Variants in FGF12 observed in about 807,000 individuals in gnomAD.
FGF12 encodes the protein fibroblast growth factor 12.
A neutral mutation model predicts 23.6 loss-of-function variants in FGF12; 14 were observed. The ratio of observed to expected loss-of-function variants is 0.59; its 90% CI spans 0.39 to 0.93. FGF12 has a LOEUF of 0.93. Ranked by LOEUF, FGF12 falls within the 40% of genes least tolerant of loss-of-function variation. The probability of loss-of-function intolerance (pLI) is 0.00; values close to 1 mark genes in which losing one functional copy is unlikely to be tolerated. For missense variants in FGF12, 175 were observed against 217.8 expected (o/e 0.80, Z 1.24); for synonymous variants, 62 against 77.3 (o/e 0.80, Z 1.04).
chr3:192,323,325 C>T (rs879561339), intron 4 of FGF12, among the ~76,000 whole-genome samples: 7 of 152,100 alleles, frequency 4.6e-5, no homozygotes, highest in African/African-American at 1.2e-4. Flanking sequence ...ATCCATCAAC[C>T]GATGAATAGA....
chr3:192,182,985 A>G (rs1716262094), intron 4 of FGF12, among the ~76,000 whole-genome samples: 1 of 152,222 alleles, frequency 6.6e-6, no homozygotes, highest in Non-Finnish European at 1.5e-5. Context: ...TTGGGTTTAA[A>G]TTATACATTC....
At chr3:192,243,845 C>T (rs1719747497) in intron 4 of FGF12, among the ~76,000 whole-genome samples, 1 of 151,950 alleles carries the variant, frequency 6.6e-6, no homozygotes, top group South Asian at 2.1e-4. Context: ...GGCTAACTTT[C>T]CGAATATAAA....
chr3:192,602,551 C>G (rs1357377343), intron 2 of FGF12, among the ~76,000 whole-genome samples: 1 of 152,098 alleles, frequency 6.6e-6, no homozygotes, highest in Non-Finnish European at 1.5e-5. Context: ...GAAGTGTCCA[C>G]TCTCAGGCAT....
intron 3 of FGF12, among the ~76,000 whole-genome samples, chr3:192,358,406 T>C (rs1292356295): frequency 6.6e-6 from 1 of 152,136 alleles, no homozygotes; most frequent in Non-Finnish European, 1.5e-5. Flanking sequence ...CTTAATAAAA[T>C]ATTAGTTTAA....
intron 2 of FGF12, among the ~76,000 whole-genome samples, chr3:192,526,662 G>A (rs546822118): frequency 3.9e-5 from 6 of 151,956 alleles, no homozygotes; most frequent in African/African-American, 4.8e-5. Flanking sequence ...TCTGCCTTTC[G>A]CAATATACAG....
chr3:192,497,766 T>C (rs899485290), intron 2 of FGF12, among the ~76,000 whole-genome samples: 5 of 152,190 alleles, frequency 3.3e-5, no homozygotes, highest in Non-Finnish European at 5.9e-5. Flanking sequence ...AACTGCTCTA[T>C]CCAAAGAGTT....
At chr3:192,693,782 G>A (rs951825320) in intron 2 of FGF12, among the ~76,000 whole-genome samples, 7 of 152,038 alleles carry the variant, frequency 4.6e-5, no homozygotes, top group Non-Finnish European at 8.8e-5. Flanking sequence ...ACACAGAGCC[G>A]TAAAACTCCT....
intron 2 of FGF12, among the ~76,000 whole-genome samples, chr3:192,448,962 T>G (rs1399143193): frequency 6.6e-6 from 1 of 152,236 alleles, no homozygotes; most frequent in Non-Finnish European, 1.5e-5. Context: ...ACTGTACATT[T>G]ATGTCAGTAT....
chr3:192,375,329 A>G (rs994566906), intron 2 of FGF12, among the ~76,000 whole-genome samples: 6 of 152,018 alleles, frequency 3.9e-5, no homozygotes, highest in East Asian at 3.9e-4. Context: ...TGTTCCTTCA[A>G]TTAGATTGAT....
chr3:192,475,420 G>A (rs1275318763), intron 2 of FGF12, among the ~76,000 whole-genome samples: 2 of 152,206 alleles, frequency 1.3e-5, no homozygotes, highest in Non-Finnish European at 2.9e-5. Flanking sequence ...TACAACTAAT[G>A]TAGGTGCCAG....
chr3:192,461,289 T>A (rs1031646706), intron 2 of FGF12, among the ~76,000 whole-genome samples: 2 of 152,146 alleles, frequency 1.3e-5, no homozygotes, highest in African/African-American at 4.8e-5. Flanking sequence ...AGGCTTGAGA[T>A]CATCAAAAAG....
At chr3:192,301,225 G>A (rs1413099740) in intron 4 of FGF12, among the ~76,000 whole-genome samples, 1 of 152,144 alleles carries the variant, frequency 6.6e-6, no homozygotes, top group African/African-American at 2.4e-5. Flanking sequence ...ACTAGGTGAA[G>A]ATAAACGAAT....
chr3:192,550,210 C>CCATA (rs149609451), intron 2 of FGF12, among the ~76,000 whole-genome samples: 32,564 of 150,560 alleles, frequency 0.22, 3,775 homozygotes, highest in Middle Eastern at 0.38. Flanking sequence ...GTATCAGAGA[C>CCATA]CATACACATA....
In FGF12 at chr3:192,635,328, C is replaced by T. The variant is rs144122584; in HGVS notation, c.13+91853G>A. ...TTCAAGTACCTCTTTACTCATAACT[C>T]TTCTTGCTTTAGGCCAACCTGATTG... On this transcript the variant is annotated intron_variant, in intron 2 of 5. Coordinates refer to ENST00000445105, the MANE Select transcript of FGF12 (RefSeq NM_004113.6). 4.0e-4 allele frequency among the ~76,000 whole-genome samples: 61 copies of T among 152,180 alleles called. No homozygotes were observed. In the East Asian group the frequency reaches 9.4e-3, roughly 24 times the overall value.
chr3:192,452,920 T>A (rs1438787694), intron 2 of FGF12, among the ~76,000 whole-genome samples: 1 of 152,246 alleles, frequency 6.6e-6, no homozygotes, highest in African/African-American at 2.4e-5. Flanking sequence ...TGTATATACA[T>A]GCATATTTTT....
intron 2 of FGF12, among the ~76,000 whole-genome samples, chr3:192,393,458 A>G (rs1332469465): frequency 6.6e-6 from 1 of 152,222 alleles, no homozygotes; most frequent in Non-Finnish European, 1.5e-5. Context: ...TTCCTCAAAA[A>G]GAAAAAGCCC....
At chr3:192,279,294 A>G (rs539495060) in intron 4 of FGF12, among the ~76,000 whole-genome samples, 32 of 149,630 alleles carry the variant, frequency 2.1e-4, no homozygotes, top group African/African-American at 7.3e-4. Context: ...TAACCTAGAC[A>G]GCCACTCTGT....
intron 2 of FGF12, among the ~76,000 whole-genome samples, chr3:192,711,650 C>A (rs899645390): frequency 3.9e-5 from 6 of 152,206 alleles, no homozygotes; most frequent in South Asian, 2.1e-4. Context: ...CCTTACCCCC[C>A]AACCCGGTGC....
rs12485687 is a variant in FGF12, at chr3:192,338,911, A to G, written c.125-3447T>C. Among the ~76,000 whole-genome samples the G allele has an allele frequency of 3.6e-3, 548 of 152,326 alleles. 13 individuals carry two copies. The East Asian group carries it at 0.043, about 12-fold the overall frequency. On this transcript the variant is annotated intron_variant, in intron 3 of 5. Transcript: ENST00000445105. ...AAGTTCACTGATAATTACTGTGAGA[A>G]GGAGAAAAGACTTCCCAGGATAAAT...
Sources: gnomAD v4.1 joint callset for allele counts (sites outside exome capture counted in the v4.1 genomes callset) on GRCh38, gnomAD v4.1.1 for gene constraint, MANE v1.5 for transcripts, NCBI Gene and HGNC (gene_info 2026-07-23, HGNC 2026-07-21) for gene names.